The following KRT20 variants were observed in gnomAD, a reference collection of about 807,000 sequenced individuals.
KRT20 encodes keratin, type I cytoskeletal 20.
A neutral mutation model predicts 43.0 loss-of-function variants in KRT20; 41 were observed. The observed-to-expected ratio is 0.95, with a 90% confidence interval of 0.74 to 1.24. The LOEUF (loss-of-function observed/expected upper bound fraction) is 1.24. KRT20 is among the 50% of genes most tolerant of loss of function. The probability of loss-of-function intolerance (pLI) is 0.00; values close to 1 mark genes in which losing one functional copy is unlikely to be tolerated. For synonymous variants in KRT20, 207 were observed against 200.6 expected, an observed-to-expected ratio of 1.03 and a Z score of -0.27; for missense variants, 533 against 521.2, an observed-to-expected ratio of 1.02 and a Z score of -0.22.
chr17:40,884,856 G>C lies in KRT20; in HGVS notation c.330C>G (p.Ala110=), dbSNP rs1907736865. The change falls in exon 1 of 8, where the codon GCC becomes GCG. Residue 110 remains alanine (A), a synonymous_variant. Transcript: ENST00000167588. ...VQIKQWYETN[A]PRAGRDYSAY... is the part of the protein sequence containing the mutation. ...CACTGTAGTCGCGACCAGCCCTCGGGGCGTTGGTTTCGTACCACTGCTTGA... is the reference window on the plus strand; with the variant it reads ...CACTGTAGTCGCGACCAGCCCTCGGCGCGTTGGTTTCGTACCACTGCTTGA... The C allele has an allele frequency of 6.2e-7, 1 of 1,614,148 alleles. No individual in the cohort carries two copies. Among genetic ancestry groups the C allele is most frequent in the East Asian group, 2.2e-5 (1 of 44,880 alleles).
At chr17:40,878,417 A>T (rs1314194614) in intron 5 of KRT20, 52 bp from the exon 6 acceptor site, 1 of 1,321,044 alleles carries the variant, frequency 7.6e-7, no homozygotes, top group Non-Finnish European at 1.1e-6. Flanking sequence ...TTGATTCAAG[A>T]GATGGGTTAA....
chr17:40,879,942 C>T lies in KRT20; in HGVS notation c.793-4G>A, dbSNP rs181340777. 88 of 1,612,510 alleles carry T rather than the reference C, an allele frequency of 5.5e-5. No homozygotes were observed. In the African/African-American group the frequency reaches 1.1e-3, roughly 20 times the overall value. On this transcript the variant is annotated splice_region_variant and splice_polypyrimidine_tract_variant and intron_variant, in intron 4 of 7. Coordinates refer to ENST00000167588, the MANE Select transcript of KRT20 (RefSeq NM_019010.3). ...CCTGTTGCTGCAGAACTGCAGTCTA[C>T]AGTGCCAAGAGTGAAAAAAAAATAG...
At chr17:40,879,520 A>C (rs901144241) in intron 5 of KRT20, among the ~76,000 whole-genome samples, 1 of 152,132 alleles carries the variant, frequency 6.6e-6, no homozygotes, top group Admixed American at 6.6e-5. Flanking sequence ...TAACTACATC[A>C]TAAATCTGCA....
rs763016852 is a variant in KRT20 at position 40,878,238 on chromosome 17, T to C, written c.1046A>G (p.Gln349Arg). Residue 349 changes from glutamine (Q) to arginine (R), a missense_variant, in exon 6 of 8, where the codon CAG (glutamine) becomes CGG (arginine). Physicochemically the swap from Gln to Arg is conservative, Grantham distance 43. Coordinates refer to ENST00000167588, the MANE Select transcript of KRT20 (RefSeq NM_019010.3). ...LMQIRSNMER[Q>R]NNEYHILLDI... ...AAGAAGGATATGGTATTCGTTGTTC[T>C]GGCGTTCCATGTTACTCCGAATCTG... 6.2e-7 allele frequency: 1 copy of C among 1,614,184 alleles called. No individual in the cohort carries two copies.
intron 3 of KRT20, 53 bp downstream of exon 3, chr17:40,880,561 A>T: frequency 2.7e-6 from 4 of 1,497,066 alleles, no homozygotes; most frequent in Non-Finnish European, 2.8e-6. Flanking sequence ...TATTATTAGT[A>T]TTATATAGAA....
intron 1 of KRT20, among the ~76,000 whole-genome samples, chr17:40,883,170 T>G (rs1907675789): frequency 6.6e-6 from 1 of 152,194 alleles, no homozygotes. Context: ...AGTCATAAAA[T>G]GCAACTCTAG....
chr17:40,881,542 C>T (rs1437415375), intron 2 of KRT20, among the ~76,000 whole-genome samples: 1 of 152,204 alleles, frequency 6.6e-6, no homozygotes, highest in Non-Finnish European at 1.5e-5. Context: ...CGTTAGCCAT[C>T]ATGCATGCCC....
chr17:40,885,069 A>G lies in KRT20; in HGVS notation c.117T>C (p.Ala39=). Residue 39 remains alanine (A), a synonymous_variant, in exon 1 of 8, where the codon GCT becomes GCC. Transcript: ENST00000167588. The part of the protein sequence containing the change: ...LGTTPSVYGG[A]GGRGIRISNS... The stretch of plus-strand genomic sequence containing the variant: ...TGGAGATGCGGATGCCCCGGCCTCC[A>G]GCACCCCCATAAACGCTGGGTGTCG... 1 of 1,614,170 alleles carries G rather than the reference A, an allele frequency of 6.2e-7. No individual in the cohort carries two copies. The highest frequency in any genetic ancestry group is 8.5e-7 in the Non-Finnish European group (1 of 1,180,032).
chr17:40,881,958 C>T (rs1037367488), intron 2 of KRT20, among the ~76,000 whole-genome samples: 3 of 151,548 alleles, frequency 2.0e-5, no homozygotes, highest in Non-Finnish European at 2.9e-5. Context: ...CTGAAACCTC[C>T]GCCTCCCAGG....
intron 7 of KRT20, 23 bp downstream of exon 7, chr17:40,877,357 A>T (rs1907394048): frequency 6.6e-7 from 1 of 1,519,680 alleles, no homozygotes; most frequent in South Asian, 1.3e-5. Context: ...GTCATAGAAA[A>T]TGTGCAAAAA....
At position 40,880,643 on chromosome 17, in the gene KRT20, G is replaced by C. The variant is rs148876476; in HGVS notation, c.601C>G (p.Leu201Val). Residue 201 changes from leucine to valine, a missense_variant, in exon 3 of 8, where the codon CTA becomes GTA. Coordinates refer to ENST00000167588, the MANE Select transcript of KRT20 (RefSeq NM_019010.3). ...TGATGCTCCTTTTTGAGGAGAGCTAGGTCTTTATTCAGTTCTTCAATTTGA... is the reference window on the plus strand; with the variant it reads ...TGATGCTCCTTTTTGAGGAGAGCTACGTCTTTATTCAGTTCTTCAATTTGA... ...EIQIEELNKDLALLKKEHQEE... is the reference protein window; with the variant it reads ...EIQIEELNKDVALLKKEHQEE... 27 of 1,613,056 alleles carry C rather than the reference G, an allele frequency of 1.7e-5. No individual in the cohort carries two copies. In the African/African-American group the frequency reaches 3.5e-4, roughly 21 times the overall value.
chr17:40,884,878 T>G lies in KRT20; in HGVS notation c.308A>C (p.Lys103Thr), dbSNP rs745565540. 21 of 1,614,116 alleles carry G rather than the reference T, an allele frequency of 1.3e-5. No individual in the cohort carries two copies. Among genetic ancestry groups the G allele is most frequent in the Non-Finnish European group, 1.7e-5 (20 of 1,180,044 alleles). ...QSNSKLEVQI[K>T]QWYETNAPRA... ...CGGGGCGTTGGTTTCGTACCACTGC[T>G]TGATTTGCACTTCAAGTTTGGAGTT... The change falls in exon 1 of 8, where the codon AAG becomes ACG. Residue 103 changes from lysine to threonine, a missense_variant. By Grantham distance (78) the Lys-to-Thr change is moderately conservative (BLOSUM62 -1). Coordinates refer to ENST00000167588, the MANE Select transcript of KRT20 (RefSeq NM_019010.3).
chr17:40,884,583 A>T (rs1907724348), intron 1 of KRT20, among the ~76,000 whole-genome samples: 1 of 152,180 alleles, frequency 6.6e-6, no homozygotes, highest in Admixed American at 6.5e-5. Flanking sequence ...TTTGTATGTA[A>T]TTGTGTTAAA....
chr17:40,881,419 T>G (rs992424101), intron 2 of KRT20, among the ~76,000 whole-genome samples: 2 of 152,094 alleles, frequency 1.3e-5, no homozygotes, highest in Non-Finnish European at 2.9e-5. Context: ...CAGCTAATTT[T>G]TTTTGTATTT....
intron 1 of KRT20, among the ~76,000 whole-genome samples, chr17:40,883,894 G>A (rs1422147803): frequency 6.6e-6 from 1 of 152,198 alleles, no homozygotes; most frequent in Non-Finnish European, 1.5e-5. Context: ...CATGGAGTCC[G>A]AATCAAATTG....
chr17:40,876,377 A>T lies in KRT20; in HGVS notation c.1259T>A (p.Val420Glu). The T allele has an allele frequency of 6.2e-7, 1 of 1,609,494 alleles. No homozygotes were observed. Among genetic ancestry groups the T allele is most frequent in the Non-Finnish European group, 8.5e-7 (1 of 1,176,088 alleles). Reference protein sequence around the residue: ...GKVVSSEVKEVEENI With the variant: ...GKVVSSEVKEEEENI Reference sequence around the variant, plus strand: ...GGTAGCTATTTAGATATTTTCTTCCACCTCTTTGACTTCAGATGACACGAC... The same window carrying T: ...GGTAGCTATTTAGATATTTTCTTCCTCCTCTTTGACTTCAGATGACACGAC... Residue 420 changes from valine (V) to glutamate (E), a missense_variant, in exon 8 of 8, where the codon GTG becomes GAG. By Grantham distance (121) the Val-to-Glu change is moderately radical. Transcript: ENST00000167588.
intron 6 of KRT20, 78 bp from the exon 7 acceptor site, chr17:40,877,495 C>G: frequency 1.2e-6 from 1 of 825,412 alleles, no homozygotes; most frequent in Non-Finnish European, 1.9e-6. Context: ...GGAATGCACT[C>G]CTGTCTTTTA....
intron 5 of KRT20, 146 bp downstream of exon 5, chr17:40,879,665 AAT>A (rs1907500026): frequency 2.5e-6 from 2 of 789,910 alleles, no homozygotes; most frequent in East Asian, 2.6e-5. Context: ...TCTGTCCTTT[AAT>A]TATAATCAGT....
intron 2 of KRT20, among the ~76,000 whole-genome samples, chr17:40,881,071 GT>G (rs1240566007): frequency 1.3e-5 from 2 of 152,148 alleles, no homozygotes; most frequent in Non-Finnish European, 2.9e-5. Context: ...TAATTATTGT[GT>G]TGGCAAAGGG....
Sources: gnomAD v4.1 joint callset for allele counts (sites outside exome capture counted in the v4.1 genomes callset) on GRCh38, gnomAD v4.1.1 for gene constraint, MANE v1.5 for transcripts, NCBI Gene and HGNC (gene_info 2026-07-23, HGNC 2026-07-21) for gene names.